WDTC1: variants seen among roughly 807,000 people sequenced by gnomAD.
WDTC1 encodes WD and tetratricopeptide repeats protein 1.
In WDTC1, 12 loss-of-function variants were observed where a neutral mutation model predicts 76.0. The observed-to-expected ratio is 0.16, with a 90% confidence interval of 0.10 to 0.26. The LOEUF is 0.26. Ranked by LOEUF, WDTC1 falls within the 10% of genes least tolerant of loss-of-function variation. The pLI is 1.00. For synonymous variants in WDTC1, 326 were observed against 350.8 expected (o/e 0.93, Z 0.79); for missense variants, 511 against 908.8 (o/e 0.56, Z 5.63).
chr1:27,272,176 G>A (rs933759135), intron 3 of WDTC1, among the ~76,000 whole-genome samples: 3 of 151,920 alleles, frequency 2.0e-5, no homozygotes, highest in African/African-American at 7.2e-5. Context: ...AACCCGGCAG[G>A]CAGAGGTTGT....
At position 27,241,215 on chromosome 1, in the gene WDTC1, G is replaced by A. The variant is rs117483247; in HGVS notation, c.-100+6264G>A. ...CAAGAATAATGACCCTTAATCCTCC[G>A]TATAGCCATCTGGGGAGGTATTAAC... On this transcript the variant is annotated intron_variant, in intron 1 of 15. Coordinates refer to ENST00000319394, the MANE Select transcript of WDTC1 (RefSeq NM_001276252.2). Among the ~76,000 whole-genome samples, 12 of 152,218 alleles carry A rather than the reference G, an allele frequency of 7.9e-5. No individual in the cohort carries two copies. The East Asian group carries it at 1.2e-3, about 15-fold the overall frequency.
At position 27,261,042 on chromosome 1, in the gene WDTC1, C is replaced by G. The variant is rs545341476; in HGVS notation, c.-13C>G. On this transcript the variant is annotated 5_prime_UTR_variant, in exon 2 of 16. Coordinates refer to ENST00000319394, the MANE Select transcript of WDTC1 (RefSeq NM_001276252.2). ...CCTATTATAGCTTCCTTCTGTTGAA[C>G]CATTAAGAAAAGATGGCGAAAGTCA... The G allele has an allele frequency of 1.9e-6, 3 of 1,614,098 alleles. No homozygotes were observed. Among genetic ancestry groups the G allele is most frequent in the South Asian group, 1.1e-5 (1 of 91,076 alleles).
At chr1:27,265,861 C>T (rs1048856988) in intron 3 of WDTC1, among the ~76,000 whole-genome samples, 1 of 151,980 alleles carries the variant, frequency 6.6e-6, no homozygotes, top group African/African-American at 2.4e-5. Context: ...GCAGGAGAAT[C>T]GCTTGAACCC....
chr1:27,260,275 T>G (rs1347149913), intron 1 of WDTC1, among the ~76,000 whole-genome samples: 1 of 152,040 alleles, frequency 6.6e-6, no homozygotes, highest in Non-Finnish European at 1.5e-5. Context: ...CAGCTAATTT[T>G]TTTGTATTTT....
rs534990539 is a variant in WDTC1, at chr1:27,255,935, GTTC to G, written c.-99-5018_-99-5016del. Among the ~76,000 whole-genome samples the G allele has an allele frequency of 6.6e-5, 10 of 152,172 alleles. 1 individual carries two copies. In the South Asian group the frequency reaches 2.1e-3, roughly 32 times the overall value. ...TCTCCCTGGAAGTGGTTTTCCCCCA[GTTC>G]TTTGCTGCTGCTTGTCATTCATGTT... On this transcript the variant is annotated intron_variant, in intron 1 of 15. Coordinates refer to ENST00000319394, the MANE Select transcript of WDTC1 (RefSeq NM_001276252.2).
chr1:27,237,256 C>T (rs930682641), intron 1 of WDTC1, among the ~76,000 whole-genome samples: 4 of 152,154 alleles, frequency 2.6e-5, no homozygotes, highest in African/African-American at 4.8e-5. Context: ...ACTACAGACA[C>T]GGCCTCCGTG....
chr1:27,268,554 G>A (rs564708287), intron 3 of WDTC1, among the ~76,000 whole-genome samples: 21 of 151,680 alleles, frequency 1.4e-4, no homozygotes, highest in Admixed American at 2.6e-4. Flanking sequence ...AAGTAGCTGT[G>A]ATTACAGGCG....
Position 27,301,555 on chromosome 1 carries a change from C to G in WDTC1, c.1468+94C>G. The G allele has an allele frequency of 7.2e-7, 1 of 1,395,808 alleles. No homozygotes were observed. Among genetic ancestry groups the G allele is most frequent in the Non-Finnish European group, 9.8e-7 (1 of 1,018,702 alleles). The allele number at this position is 1,395,808 out of a possible 1,614,324, so 86.5% of individuals were successfully genotyped here. On this transcript the variant is annotated intron_variant, in intron 13 of 15. Transcript: ENST00000319394. The surrounding 1 kb of genome is among the most constrained non-coding windows in gnomAD (Gnocchi z 5.8). ...GGTCATGGTTCTGGGATTGGAGAGG[C>G]CTGGGTTCAGATGTTGATTCAGAAA...
At position 27,247,007 on chromosome 1, in the gene WDTC1, C is replaced by T. The variant is rs553787595; in HGVS notation, c.-100+12056C>T. On this transcript the variant is annotated intron_variant, in intron 1 of 15. Coordinates refer to ENST00000319394, the MANE Select transcript of WDTC1 (RefSeq NM_001276252.2). Reference sequence around the variant, plus strand: ...TCGGACTCCCAAAGTGCTGGGATTACAGACGTGAGCCACCGCACCCAGCCT... The same window carrying T: ...TCGGACTCCCAAAGTGCTGGGATTATAGACGTGAGCCACCGCACCCAGCCT... Among the ~76,000 whole-genome samples the T allele has an allele frequency of 1.3e-4, 19 of 151,798 alleles. No homozygotes were observed. In the South Asian group the frequency reaches 3.8e-3, roughly 30 times the overall value.
At chr1:27,291,938 G>A (rs1396747133) in intron 6 of WDTC1, among the ~76,000 whole-genome samples, 1 of 152,180 alleles carries the variant, frequency 6.6e-6, no homozygotes, top group Non-Finnish European at 1.5e-5. Flanking sequence ...TTGGTAATCA[G>A]TAGTAGTATA....
At chr1:27,266,395 A>G (rs2012677996) in intron 3 of WDTC1, among the ~76,000 whole-genome samples, 1 of 152,192 alleles carries the variant, frequency 6.6e-6, no homozygotes, top group Non-Finnish European at 1.5e-5. Flanking sequence ...CATTACCCCA[A>G]ATAGTAATTA....
rs1438519258 is a variant in WDTC1, at chr1:27,292,196, ACT to A, written c.480-16_480-15del. 6.5e-7 allele frequency: 1 copy of A among 1,535,754 alleles called. No individual in the cohort carries two copies. On this transcript the variant is annotated splice_polypyrimidine_tract_variant and intron_variant, in intron 6 of 15. Transcript: ENST00000319394. ...AAGGACCCCAAGCCCCAATTCCCTA[ACT>A]CTGTCCTCTCTCACAGCCAGTATGA...
At chr1:27,254,676 A>G (rs971011195) in intron 1 of WDTC1, among the ~76,000 whole-genome samples, 1 of 152,026 alleles carries the variant, frequency 6.6e-6, no homozygotes, top group African/African-American at 2.4e-5. Context: ...TCTGTCATCC[A>G]GGGTGGAATG....
rs2013951577 is a variant in WDTC1 at position 27,306,230 on chromosome 1, T to C, written c.1881T>C (p.Ala627=). 7 of 1,613,994 alleles carry C rather than the reference T, an allele frequency of 4.3e-6. No homozygotes were observed. The highest frequency in any genetic ancestry group is 5.9e-6 in the Non-Finnish European group (7 of 1,180,030). Residue 627 remains alanine (A), a synonymous_variant, in exon 16 of 16, where the codon GCT becomes GCC. Coordinates refer to ENST00000319394, the MANE Select transcript of WDTC1 (RefSeq NM_001276252.2). The surrounding 1 kb of genome is among the most constrained non-coding windows in gnomAD (Gnocchi z 5.0). ...GAGTCGTGGAAGATATGGAGGGTGC[T>C]TCACAGGCCAACCAGCGGCGCATGA... ...TGRVVEDMEG[A]SQANQRRMNA...
At chr1:27,281,651 C>T (rs1389805180) in intron 3 of WDTC1, among the ~76,000 whole-genome samples, 4 of 151,836 alleles carry the variant, frequency 2.6e-5, no homozygotes, top group African/African-American at 4.8e-5. Flanking sequence ...TGCAGTGGTG[C>T]GATCTCAGCT....
At chr1:27,268,864 G>A (rs2147942030) in intron 3 of WDTC1, among the ~76,000 whole-genome samples, 2 of 151,276 alleles carry the variant, frequency 1.3e-5, no homozygotes, top group East Asian at 2.0e-4. Flanking sequence ...ACAGGTGCAC[G>A]CCACCACACC....
intron 1 of WDTC1, among the ~76,000 whole-genome samples, chr1:27,252,082 ATGC>A (rs1472678969): frequency 6.6e-6 from 1 of 151,690 alleles, no homozygotes; most frequent in Non-Finnish European, 1.5e-5. Context: ...GTGGTGGCTC[ATGC>A]CTGTAATCCT....
At chr1:27,292,093 C>G in intron 6 of WDTC1, 122 bp from the exon 7 acceptor site, 1 of 1,066,364 alleles carries the variant, frequency 9.4e-7, no homozygotes. Flanking sequence ...TTTTGACATT[C>G]TTATTTAGAA....
intron 5 of WDTC1, 24 bp from the exon 6 acceptor site, chr1:27,287,650 C>T: frequency 4.4e-6 from 7 of 1,604,794 alleles, no homozygotes; most frequent in Non-Finnish European, 5.1e-6. Flanking sequence ...ACCACCCACC[C>T]CTTCCTCCAT....
Sources: gnomAD v4.1 joint callset for allele counts (sites outside exome capture counted in the v4.1 genomes callset) on GRCh38, gnomAD v4.1.1 for gene constraint, Gnocchi (gnomAD v3.1) non-coding constraint, MANE v1.5 for transcripts, NCBI Gene and HGNC (gene_info 2026-07-23, HGNC 2026-07-21) for gene names.